Variants in GPR25 observed in about 807,000 individuals in gnomAD.
The protein encoded by GPR25 is C-X-C chemokine receptor GPR25.
For missense variants in GPR25, 501 were observed against 503.0 expected (o/e 1.00, Z 0.04); for synonymous variants, 280 against 264.9 (o/e 1.06, Z -0.55).
chr1:200,873,154 C>T lies in GPR25; in HGVS notation c.117C>T (p.Tyr39=), dbSNP rs1390256355. 3 of 1,606,068 alleles carry T rather than the reference C, an allele frequency of 1.9e-6. No homozygotes were observed. Among genetic ancestry groups the T allele is most frequent in the South Asian group, 1.1e-5 (1 of 90,438 alleles). The change falls in exon 1 of 1, where the codon TAC becomes TAT. Residue 39 remains tyrosine (Y), a synonymous_variant. Transcript: ENST00000304244. ...CGGCCGGGGACCTGCCCTACGGCTA[C>T]GTCTACATCCCCGCGCTCTACCTGG... ...LCPAGDLPYG[Y]VYIPALYLAA...
chr1:200,873,307 C>G lies in GPR25; in HGVS notation c.270C>G (p.Leu90=). The change falls in exon 1 of 1, where the codon CTC becomes CTG. Residue 90 remains leucine (L), a synonymous_variant. Transcript: ENST00000304244. ...HLAAADLGFV[L]TLPLWAAAAA... Reference sequence around the variant, plus strand: ...CGGCAGCTGACCTGGGCTTCGTGCTCACGCTGCCGCTGTGGGCCGCGGCGG... The same window carrying G: ...CGGCAGCTGACCTGGGCTTCGTGCTGACGCTGCCGCTGTGGGCCGCGGCGG... 6.5e-7 allele frequency: 1 copy of G among 1,529,806 alleles called. No individual in the cohort carries two copies. Among genetic ancestry groups the G allele is most frequent in the Non-Finnish European group, 8.7e-7 (1 of 1,144,028 alleles). The allele number at this position is 1,529,806 out of a possible 1,614,324, so 94.8% of individuals were successfully genotyped here. A position where few individuals can be genotyped will look rare whatever the true frequency, so the allele number is the denominator to read the frequency against.
In GPR25 at chr1:200,873,252, G is replaced by A. The variant is rs1232121393; in HGVS notation, c.215G>A (p.Arg72Gln). 1.9e-6 allele frequency: 3 copies of A among 1,573,994 alleles called. No individual in the cohort carries two copies. The highest frequency in any genetic ancestry group is 1.2e-5 in the South Asian group (1 of 86,862). ...WLLAGRRGPR[R>Q]LVDTFVLHLA... Reference sequence around the variant, plus strand: ...CTGGCCGGGCGGCGGGGCCCGCGGCGGCTGGTGGATACCTTCGTGCTGCAC... The same window carrying A: ...CTGGCCGGGCGGCGGGGCCCGCGGCAGCTGGTGGATACCTTCGTGCTGCAC... Residue 72 changes from arginine to glutamine, a missense_variant, in exon 1 of 1, where the codon CGG (arginine) becomes CAG (glutamine). Physicochemically the swap from Arg to Gln is conservative, Grantham distance 43. Coordinates refer to ENST00000304244, the MANE Select transcript of GPR25 (RefSeq NM_005298.4).
Position 200,873,452 on chromosome 1 carries a change from CT to C in GPR25, c.416del (p.Leu139ArgfsTer4). ...LLAGMSVDRY[L>X]AVVKLLEARP... ...GGCGGGCATGAGCGTGGACCGCTAC[CT>C]GGCCGTGGTGAAGCTGCTCGAGGCG... On this transcript the variant is annotated frameshift_variant, in exon 1 of 1. Transcript: ENST00000304244. LOFTEE classifies it low-confidence loss of function (END_TRUNC). 1 of 1,557,330 alleles carries C rather than the reference CT, an allele frequency of 6.4e-7. No individual in the cohort carries two copies.
rs1558219261 is a variant in GPR25, at chr1:200,874,117, C to CT, written c.1081dup (p.Trp361LeufsTer?). 6.5e-7 allele frequency: 1 copy of CT among 1,542,130 alleles called. No homozygotes were observed. The highest frequency in any genetic ancestry group is 8.8e-7 in the Non-Finnish European group (1 of 1,139,968). Reference sequence around the variant, plus strand: ...AGGCCGCGAACACTGCCTCGGCCTCCTGGTAGCTGCCCCGGGCCGCTGGAG... The same window carrying CT: ...AGGCCGCGAACACTGCCTCGGCCTCCTTGGTAGCTGCCCCGGGCCGCTGGAG... On this transcript the variant is annotated frameshift_variant, in exon 1 of 1. Coordinates refer to ENST00000304244, the MANE Select transcript of GPR25 (RefSeq NM_005298.4). LOFTEE classifies it high-confidence loss of function.
At position 200,873,708 on chromosome 1, in the gene GPR25, G is replaced by T. The variant is rs1388890365; in HGVS notation, c.671G>T (p.Arg224Leu). The T allele has an allele frequency of 1.3e-6, 2 of 1,597,828 alleles. No homozygotes were observed. The highest frequency in any genetic ancestry group is 1.1e-5 in the South Asian group (1 of 91,034). ...PLVVTLFCYC[R>L]ISRRLRRPPH... Reference sequence around the variant, plus strand: ...GTCGTCACCCTCTTCTGCTACTGCCGCATCTCGCGCCGCCTGCGACGGCCG... The same window carrying T: ...GTCGTCACCCTCTTCTGCTACTGCCTCATCTCGCGCCGCCTGCGACGGCCG... Residue 224 changes from arginine to leucine, a missense_variant, in exon 1 of 1, where the codon CGC becomes CTC. Transcript: ENST00000304244.
chr1:200,873,559 C>G lies in GPR25; in HGVS notation c.522C>G (p.Ser174=). The G allele has an allele frequency of 6.4e-7, 1 of 1,573,946 alleles. No homozygotes were observed. Among genetic ancestry groups the G allele is most frequent in the Non-Finnish European group, 8.6e-7 (1 of 1,167,946 alleles). The change falls in exon 1 of 1, where the codon TCC becomes TCG. Residue 174 remains serine, a synonymous_variant. Coordinates refer to ENST00000304244, the MANE Select transcript of GPR25 (RefSeq NM_005298.4). ...WAVALLAGLP[S]LVYRGLQPLP... is the part of the protein sequence containing the mutation. ...TGGCGCTGCTGGCCGGCCTGCCCTC[C>G]CTGGTCTACCGGGGGTTGCAGCCCC... is the stretch of plus-strand genomic sequence containing the variant.
chr1:200,873,931 C>T lies in GPR25; in HGVS notation c.894C>T (p.Val298=). 1 of 1,611,468 alleles carries T rather than the reference C, an allele frequency of 6.2e-7. No homozygotes were observed. The highest frequency in any genetic ancestry group is 1.1e-5 in the South Asian group (1 of 91,022). The change falls in exon 1 of 1, where the codon GTC becomes GTT. Residue 298 remains valine (V), a synonymous_variant. Coordinates refer to ENST00000304244, the MANE Select transcript of GPR25 (RefSeq NM_005298.4). The part of the protein sequence containing the change: ...GLTIATCLAF[V]NSCANPLIYL... ...CCATTGCCACCTGCCTGGCCTTCGT[C>T]AACAGCTGCGCCAACCCGCTCATCT...
chr1:200,873,595 C>A lies in GPR25; in HGVS notation c.558C>A (p.Gly186=). 3 of 1,590,984 alleles carry A rather than the reference C, an allele frequency of 1.9e-6. No homozygotes were observed. Among genetic ancestry groups the A allele is most frequent in the Non-Finnish European group, 2.5e-6 (3 of 1,176,744 alleles). Residue 186 remains glycine (G), a synonymous_variant, in exon 1 of 1, where the codon GGC becomes GGA. Transcript: ENST00000304244. The part of the protein sequence containing the change: ...VYRGLQPLPG[G]QDSQCGEEPS... ...GGGGGTTGCAGCCCCTGCCTGGGGG[C>A]CAGGACAGCCAGTGCGGCGAGGAGC...
chr1:200,873,142 G>A lies in GPR25; in HGVS notation c.105G>A (p.Leu35=), dbSNP rs763045735. 6.2e-7 allele frequency: 1 copy of A among 1,604,688 alleles called. No individual in the cohort carries two copies. The highest frequency in any genetic ancestry group is 1.1e-5 in the South Asian group (1 of 90,092). ...TGGAGCTGTGTCCGGCCGGGGACCT[G>A]CCCTACGGCTACGTCTACATCCCCG... ...EELELCPAGD[L]PYGYVYIPAL... is the part of the protein sequence containing the mutation. Residue 35 remains leucine (L), a synonymous_variant, in exon 1 of 1, where the codon CTG becomes CTA. Transcript: ENST00000304244.
rs776086326 is a variant in GPR25 at position 200,873,885 on chromosome 1, T to G, written c.848T>G (p.Leu283Arg). 6.2e-7 allele frequency: 1 copy of G among 1,607,916 alleles called. No individual in the cohort carries two copies. Among genetic ancestry groups the G allele is most frequent in the Non-Finnish European group, 8.5e-7 (1 of 1,178,628 alleles). Residue 283 changes from leucine to arginine, a missense_variant, in exon 1 of 1, where the codon CTG becomes CGG. Physicochemically the swap from Leu to Arg is moderately radical, Grantham distance 102 (BLOSUM62 -2). Transcript: ENST00000304244. ...CTGCCGCTGCCGTGCCCCCTGCTGC[T>G]GGCGCTGCGCTGGGGCCTCACCATT... The part of the protein sequence containing the change: ...GALPLPCPLL[L>R]ALRWGLTIAT...
Position 200,873,102 on chromosome 1 carries a change from A to T in GPR25, c.65A>T (p.Asp22Val). The change falls in exon 1 of 1, where the codon GAC becomes GTC. Residue 22 changes from aspartate to valine, a missense_variant. By Grantham distance (152) the Asp-to-Val change is radical (BLOSUM62 -3). Coordinates refer to ENST00000304244, the MANE Select transcript of GPR25 (RefSeq NM_005298.4). ...GSAPWDYSGL[D>V]GLEELELCPA... ...GCGCCCTGGGACTACTCGGGGTTGG[A>T]CGGCCTGGAGGAGCTGGAGCTGTGT... 6.3e-7 allele frequency: 1 copy of T among 1,593,052 alleles called. No homozygotes were observed. The highest frequency in any genetic ancestry group is 8.5e-7 in the Non-Finnish European group (1 of 1,173,656).
chr1:200,873,518 T>A lies in GPR25; in HGVS notation c.481T>A (p.Cys161Ser). The change falls in exon 1 of 1, where the codon TGC (cysteine) becomes AGC (serine). Residue 161 changes from cysteine (C) to serine (S), a missense_variant. Coordinates refer to ENST00000304244, the MANE Select transcript of GPR25 (RefSeq NM_005298.4). ...CCCGCGCTGCGCGCTGGCCTCGTGCTGCGGCGTCTGGGCCGTGGCGCTGCT... is the reference window on the plus strand; with the variant it reads ...CCCGCGCTGCGCGCTGGCCTCGTGCAGCGGCGTCTGGGCCGTGGCGCTGCT... The part of the protein sequence containing the change: ...RTPRCALASC[C>S]GVWAVALLAG... 1.3e-6 allele frequency: 2 copies of A among 1,560,336 alleles called. No homozygotes were observed. The highest frequency in any genetic ancestry group is 1.7e-6 in the Non-Finnish European group (2 of 1,161,840).
In GPR25 at chr1:200,873,291, A is replaced by G; in HGVS notation, c.254A>G (p.Asp85Gly). The G allele has an allele frequency of 6.5e-7, 1 of 1,542,510 alleles. No individual in the cohort carries two copies. Among genetic ancestry groups the G allele is most frequent in the Non-Finnish European group, 8.7e-7 (1 of 1,149,364 alleles). ...DTFVLHLAAA[D>G]LGFVLTLPLW... is the part of the protein sequence containing the mutation. ...TTCGTGCTGCACCTGGCGGCAGCTG[A>G]CCTGGGCTTCGTGCTCACGCTGCCG... Residue 85 changes from aspartate (D) to glycine (G), a missense_variant, in exon 1 of 1, where the codon GAC (aspartate) becomes GGC (glycine). By Grantham distance (94) the Asp-to-Gly change is moderately conservative (BLOSUM62 -1). Transcript: ENST00000304244.
Position 200,873,015 on chromosome 1 carries a change from C to A in GPR25, c.-23C>A. On this transcript the variant is annotated 5_prime_UTR_variant, in exon 1 of 1. Transcript: ENST00000304244. ...GCCGCCTGCGCCCAGGGCTGCACTC[C>A]GCGCAGGCCTCATAGCCAGGCCATG... The A allele has an allele frequency of 6.7e-7, 1 of 1,495,824 alleles. No homozygotes were observed. Among genetic ancestry groups the A allele is most frequent in the Non-Finnish European group, 8.9e-7 (1 of 1,125,680 alleles). 92.7% of individuals were successfully genotyped at this position (1,495,824 alleles called of 1,614,324 possible).
rs1322636655 is a variant in GPR25, at chr1:200,873,496, G to A, written c.459G>A (p.Pro153=). The A allele has an allele frequency of 3.8e-6, 6 of 1,561,304 alleles. No homozygotes were observed. The highest frequency in any genetic ancestry group is 5.2e-6 in the Non-Finnish European group (6 of 1,162,374). The change falls in exon 1 of 1, where the codon CCG becomes CCA. Residue 153 remains proline (P), a synonymous_variant. Transcript: ENST00000304244. ...TCGAGGCGAGGCCACTGCGCACCCC[G>A]CGCTGCGCGCTGGCCTCGTGCTGCG... The part of the protein sequence containing the change: ...KLLEARPLRT[P]RCALASCCGV...
At position 200,873,646 on chromosome 1, in the gene GPR25, C is replaced by T. The variant is rs777974564; in HGVS notation, c.609C>T (p.Ser203=). 1.3e-6 allele frequency: 2 copies of T among 1,597,936 alleles called. No individual in the cohort carries two copies. The highest frequency in any genetic ancestry group is 1.1e-5 in the South Asian group (1 of 91,052). The part of the protein sequence containing the change: ...EEPSHAFQGL[S]LLLLLLTFVL... ...CCTCCCACGCCTTCCAGGGCCTCAG[C>T]TTGCTGCTGCTGCTGCTGACCTTCG... Residue 203 remains serine (S), a synonymous_variant, in exon 1 of 1, where the codon AGC becomes AGT. Coordinates refer to ENST00000304244, the MANE Select transcript of GPR25 (RefSeq NM_005298.4).
chr1:200,873,618 A>T lies in GPR25; in HGVS notation c.581A>T (p.Glu194Val). Residue 194 changes from glutamate (E) to valine (V), a missense_variant, in exon 1 of 1, where the codon GAG (glutamate) becomes GTG (valine). Transcript: ENST00000304244. The part of the protein sequence containing the change: ...PGGQDSQCGE[E>V]PSHAFQGLSL... ...GGCCAGGACAGCCAGTGCGGCGAGGAGCCCTCCCACGCCTTCCAGGGCCTC... is the reference window on the plus strand; with the variant it reads ...GGCCAGGACAGCCAGTGCGGCGAGGTGCCCTCCCACGCCTTCCAGGGCCTC... 3 of 1,595,594 alleles carry T rather than the reference A, an allele frequency of 1.9e-6. No homozygotes were observed. Among genetic ancestry groups the T allele is most frequent in the Non-Finnish European group, 2.5e-6 (3 of 1,178,830 alleles).
rs747331708 is a variant in GPR25, at chr1:200,874,134, C to A, written c.*11C>A. On this transcript the variant is annotated 3_prime_UTR_variant, in exon 1 of 1. Coordinates refer to ENST00000304244, the MANE Select transcript of GPR25 (RefSeq NM_005298.4). ...TCGGCCTCCTGGTAGCTGCCCCGGGCCGCTGGAGGTGGGCGGCAGCGGAGC... is the reference window on the plus strand; with the variant it reads ...TCGGCCTCCTGGTAGCTGCCCCGGGACGCTGGAGGTGGGCGGCAGCGGAGC... 6.6e-7 allele frequency: 1 copy of A among 1,514,168 alleles called. No individual in the cohort carries two copies. The highest frequency in any genetic ancestry group is 8.9e-7 in the Non-Finnish European group (1 of 1,125,586). 93.8% of individuals were successfully genotyped at this position (1,514,168 alleles called of 1,614,324 possible).
Position 200,873,041 on chromosome 1 carries a change from GC to G in GPR25, c.9del (p.Thr4GlnfsTer98). ...GCGCAGGCCTCATAGCCAGGCCATG[GC>G]CCCCACAGAGCCCTGGAGCCCCAGC... The part of the protein sequence containing the change: M[A>X]PTEPWSPSPG... On this transcript the variant is annotated frameshift_variant, in exon 1 of 1. Coordinates refer to ENST00000304244, the MANE Select transcript of GPR25 (RefSeq NM_005298.4). LOFTEE classifies it low-confidence loss of function (END_TRUNC). 1.9e-6 allele frequency: 3 copies of G among 1,540,204 alleles called. No homozygotes were observed. Among genetic ancestry groups the G allele is most frequent in the Non-Finnish European group, 1.7e-6 (2 of 1,147,302 alleles).
Sources: gnomAD v4.1 joint callset for allele counts on GRCh38, gnomAD v4.1.1 for gene constraint, MANE v1.5 for transcripts, NCBI Gene and HGNC (gene_info 2026-07-23, HGNC 2026-07-21) for gene names.